The following CLMN variants were observed in gnomAD, a reference collection of about 807,000 sequenced individuals.
CLMN encodes calmin (calponin-like, transmembrane).
Under a neutral mutation model 92.7 loss-of-function variants are expected in CLMN, and 57 were observed. The observed-to-expected ratio is 0.61, with a 90% confidence interval of 0.50 to 0.77. The LOEUF is 0.77. Ranked by LOEUF, CLMN falls within the 30% of genes least tolerant of loss-of-function variation. CLMN has a pLI of 0.00. For synonymous variants in CLMN, 466 were observed against 470.6 expected (o/e 0.99, Z 0.13); for missense variants, 1,158 against 1,237.5 (o/e 0.94, Z 0.96).
chr14:95,252,929 T>G (rs977025201), intron 1 of CLMN, among the ~76,000 whole-genome samples: 11 of 152,180 alleles, frequency 7.2e-5, no homozygotes, highest in African/African-American at 2.7e-4. Flanking sequence ...TGCATTGATT[T>G]TAATCTGAAG....
rs77069571 is a variant in CLMN at position 95,233,655 on chromosome 14, T to C, written c.83-3522A>G. Among the ~76,000 whole-genome samples the C allele has an allele frequency of 1.4e-3, 214 of 151,994 alleles. 1 individual carries two copies. Among genetic ancestry groups the C allele is most frequent in the African/African-American group, 4.7e-3 (193 of 41,442 alleles). The stretch of plus-strand genomic sequence containing the variant: ...CACAAGGTGTATATGCAAGGAGAAA[T>C]GGATTAGAATGCTGAAGGCTGACAG... On this transcript the variant is annotated intron_variant, in intron 1 of 12. Coordinates refer to ENST00000298912, the MANE Select transcript of CLMN (RefSeq NM_024734.4).
intron 1 of CLMN, among the ~76,000 whole-genome samples, chr14:95,295,332 T>C (rs2140768411): frequency 6.6e-6 from 1 of 152,346 alleles, no homozygotes. Flanking sequence ...AGAGCTATCC[T>C]TCACTCAACA....
chr14:95,285,868 G>A (rs1026984421), intron 1 of CLMN, among the ~76,000 whole-genome samples: 3 of 151,496 alleles, frequency 2.0e-5, no homozygotes, highest in Middle Eastern at 3.6e-3. Flanking sequence ...ATCAACCACG[G>A]CACTCTTTCC....
chr14:95,299,451 C>A (rs747072306), intron 1 of CLMN, among the ~76,000 whole-genome samples: 1 of 152,192 alleles, frequency 6.6e-6, no homozygotes, highest in African/African-American at 2.4e-5. Context: ...ATTCATGCCA[C>A]TGTTTGCTAA....
At chr14:95,313,115 A>G (rs1229514268) in intron 1 of CLMN, among the ~76,000 whole-genome samples, 2 of 152,246 alleles carry the variant, frequency 1.3e-5, no homozygotes, top group Non-Finnish European at 2.9e-5. Context: ...CTAAAGCAGG[A>G]GAATTGCTTG....
At chr14:95,243,309 G>A (rs533669486) in intron 1 of CLMN, among the ~76,000 whole-genome samples, 40 of 139,906 alleles carry the variant, frequency 2.9e-4, no homozygotes, top group African/African-American at 1.2e-3. Context: ...AAGAGCAGTG[G>A]TGGATTGATG....
chr14:95,319,804 G>A lies in CLMN; in HGVS notation c.-12C>T. On this transcript the variant is annotated 5_prime_UTR_variant, in exon 1 of 13. Coordinates refer to ENST00000298912, the MANE Select transcript of CLMN (RefSeq NM_024734.4). ...TCGTGTGCAGCCATGAAGCGCGGGCGGGAGAGCCCGGGCCAGCGCGGCGCG... is the reference window on the plus strand; with the variant it reads ...TCGTGTGCAGCCATGAAGCGCGGGCAGGAGAGCCCGGGCCAGCGCGGCGCG... The A allele has an allele frequency of 6.7e-7, 1 of 1,499,174 alleles. No individual in the cohort carries two copies. The highest frequency in any genetic ancestry group is 8.9e-7 in the Non-Finnish European group (1 of 1,122,270). The allele number at this position is 1,499,174 out of a possible 1,614,324, so 92.9% of individuals were successfully genotyped here.
At chr14:95,213,460 C>T (rs1419352153) in intron 5 of CLMN, 51 bp from the exon 6 acceptor site, 3 of 1,537,860 alleles carry the variant, frequency 2.0e-6, no homozygotes, top group East Asian at 2.3e-5. Flanking sequence ...ACCCTCTCAG[C>T]AAGCCCCTTG....
rs765257676 is a variant in CLMN at position 95,203,693 on chromosome 14, C to T, written c.1656G>A (p.Glu552=). 1.9e-6 allele frequency: 3 copies of T among 1,614,038 alleles called. No homozygotes were observed. Among genetic ancestry groups the T allele is most frequent in the Non-Finnish European group, 2.5e-6 (3 of 1,180,030 alleles). The change falls in exon 9 of 13, where the codon GAG becomes GAA. Residue 552 remains glutamate, a synonymous_variant. Coordinates refer to ENST00000298912, the MANE Select transcript of CLMN (RefSeq NM_024734.4). ...VNLMTVEALE[E]GDYFEAIPLK... ...ATGGGATGGCTTCAAAATAGTCTCC[C>T]TCCTCTAAAGCTTCTACAGTCATCA...
chr14:95,289,108 T>C (rs1900453016), intron 1 of CLMN, among the ~76,000 whole-genome samples: 1 of 152,174 alleles, frequency 6.6e-6, no homozygotes, highest in Non-Finnish European at 1.5e-5. Flanking sequence ...TGCATCTGAG[T>C]GGCGGTGCCA....
intron 9 of CLMN, among the ~76,000 whole-genome samples, chr14:95,202,080 C>T (rs1896901343): frequency 6.6e-6 from 1 of 152,056 alleles, no homozygotes; most frequent in Admixed American, 6.5e-5. Context: ...GATTTATATT[C>T]CTTTGGGCAT....
At chr14:95,216,921 G>GT (rs1237803889) in intron 4 of CLMN, among the ~76,000 whole-genome samples, 3 of 152,206 alleles carry the variant, frequency 2.0e-5, no homozygotes, top group African/African-American at 7.2e-5. Context: ...CTGTATTTTA[G>GT]TAAGTGCGCC....
At chr14:95,196,720 A>C (rs1167590137) in intron 9 of CLMN, 26 bp from the exon 10 acceptor site, 3 of 1,606,522 alleles carry the variant, frequency 1.9e-6, no homozygotes, top group Non-Finnish European at 1.7e-6. Context: ...ACCAAATCCA[A>C]GTCAGTATGT....
intron 1 of CLMN, among the ~76,000 whole-genome samples, chr14:95,253,854 T>C (rs1898890502): frequency 1.3e-5 from 2 of 152,050 alleles, no homozygotes; most frequent in Admixed American, 6.5e-5. Context: ...GACCTCCTGA[T>C]CCGCCCGCCT....
intron 1 of CLMN, among the ~76,000 whole-genome samples, chr14:95,305,897 C>T (rs756064484): frequency 2.0e-5 from 3 of 152,188 alleles, no homozygotes; most frequent in Non-Finnish European, 4.4e-5. Flanking sequence ...CACTTCAATA[C>T]GCTGAAGGAA....
Position 95,215,708 on chromosome 14 carries a change from G to A in CLMN, c.350C>T (p.Ala117Val), listed in dbSNP as rs779297703. 1 of 1,614,118 alleles carries A rather than the reference G, an allele frequency of 6.2e-7. No homozygotes were observed. Among genetic ancestry groups the A allele is most frequent in the East Asian group, 2.2e-5 (1 of 44,884 alleles). The stretch of plus-strand genomic sequence containing the variant: ...AGAAGGGTTGCCATCTGCTATTTCT[G>A]CTGCATCAATGCTAACCAGTTTTAC... ...SNVKLVSIDAAEIADGNPSLV... is the reference protein window; with the variant it reads ...SNVKLVSIDAVEIADGNPSLV... Residue 117 changes from alanine (A) to valine (V), a missense_variant, in exon 5 of 13, where the codon GCA becomes GTA. Ala to Val is a moderately conservative substitution (Grantham distance 64). Transcript: ENST00000298912.
Position 95,303,967 on chromosome 14 carries a change from A to C in CLMN, c.82+15744T>G, listed in dbSNP as rs553435643. Among the ~76,000 whole-genome samples, 126 of 152,346 alleles carry C rather than the reference A, an allele frequency of 8.3e-4. 1 individual carries two copies. The South Asian group carries it at 0.012, about 14-fold the overall frequency. Reference sequence around the variant, plus strand: ...AAACCCTCAACGATGGCAAGAACAGAAGAAGGGGAGACAGCAATACAATTC... The same window carrying C: ...AAACCCTCAACGATGGCAAGAACAGCAGAAGGGGAGACAGCAATACAATTC... On this transcript the variant is annotated intron_variant, in intron 1 of 12. Coordinates refer to ENST00000298912, the MANE Select transcript of CLMN (RefSeq NM_024734.4).
rs185801710 is a variant in CLMN, at chr14:95,185,867, T to C, written c.*5697A>G. Reference sequence around the variant, plus strand: ...AGCTCATGTGAAAGCATTCTTGTCATACAACTGCCTTCCAATGGCATGACC... The same window carrying C: ...AGCTCATGTGAAAGCATTCTTGTCACACAACTGCCTTCCAATGGCATGACC... On this transcript the variant is annotated 3_prime_UTR_variant, in exon 13 of 13. Transcript: ENST00000298912. 39 of 152,348 alleles carry C rather than the reference T, an allele frequency of 2.6e-4. No homozygotes were observed. The highest frequency in any genetic ancestry group is 9.8e-4 in the Admixed American group (15 of 15,304). 9.4% of individuals were successfully genotyped at this position (152,348 alleles called of 1,614,324 possible).
chr14:95,243,368 G>T (rs1898332069), intron 1 of CLMN, among the ~76,000 whole-genome samples: 1 of 152,156 alleles, frequency 6.6e-6, no homozygotes, highest in Non-Finnish European at 1.5e-5. Flanking sequence ...ACTAGAAAAG[G>T]CAGAAGTGTT....
Sources: allele counts gnomAD v4.1 joint callset (sites outside exome capture counted in the v4.1 genomes callset), GRCh38; gene constraint gnomAD v4.1.1; transcripts MANE v1.5; gene names NCBI Gene and HGNC (gene_info 2026-07-23, HGNC 2026-07-21).